The following DMD variants were observed in gnomAD, a reference collection of about 807,000 sequenced individuals.
The protein encoded by DMD is dystrophin.
A neutral mutation model predicts 330.1 loss-of-function variants in DMD; 63 were observed. The observed-to-expected ratio is 0.19, with a 90% CI of 0.16 to 0.24. The LOEUF (loss-of-function observed/expected upper bound fraction) is 0.24, where lower values mean the gene tolerates loss of function less well. DMD is among the 10% of genes least tolerant of loss of function. DMD has a pLI of 1.00. For missense variants in DMD, 3,344 were observed against 2,684.1 expected (o/e 1.25, Z -5.43); for synonymous variants, 1,223 against 959.8 (o/e 1.27, Z -5.07).
intron 9 of DMD, among the ~76,000 whole-genome samples, chrX:32,687,665 A>G (rs956266098): frequency 8.9e-6 from 1 of 111,808 alleles, no homozygotes; most frequent in African/African-American, 3.3e-5. Context: ...AGCCTTCAAA[A>G]TGACTTCAGC....
At chrX:31,306,259 A>G (rs1210963546) in intron 62 of DMD, among the ~76,000 whole-genome samples, 1 of 111,676 alleles carries the variant, frequency 9.0e-6, no homozygotes, top group East Asian at 2.8e-4. Flanking sequence ...AGTTGTTTAT[A>G]TATCTTCTGG....
At chrX:31,709,556 C>T (rs1319006004) in intron 52 of DMD, among the ~76,000 whole-genome samples, 1 of 55,012 alleles carries the variant, frequency 1.8e-5, no homozygotes, top group African/African-American at 7.7e-5. Context: ...TATTGTACAG[C>T]TCTCTCTCTC....
Position 32,472,212 on chromosome X carries a change from A to T in DMD, c.2901T>A (p.Leu967=). The T allele has an allele frequency of 8.3e-7, 1 of 1,210,799 alleles. No homozygotes were observed. The highest frequency in any genetic ancestry group is 1.1e-6 in the Non-Finnish European group (1 of 894,782). The stretch of plus-strand genomic sequence containing the variant: ...CCATGATTTCATAGTCGGTGACACT[A>T]AGTTGAGGTATGGAGAGTTTGGTTT... ...QSETKLSIPQ[L]SVTDYEIMEQ... The change falls in exon 22 of 79, where the codon CTT becomes CTA. Residue 967 remains leucine, a synonymous_variant. Transcript: ENST00000357033.
intron 52 of DMD, among the ~76,000 whole-genome samples, chrX:31,711,289 GT>G (rs994124229): frequency 1.8e-5 from 2 of 110,780 alleles, no homozygotes; most frequent in Non-Finnish European, 3.8e-5. Context: ...CTAAAAGATG[GT>G]TTTCTCTTTT....
At chrX:31,719,047 G>A (rs978267050) in intron 52 of DMD, among the ~76,000 whole-genome samples, 26 of 111,799 alleles carry the variant, frequency 2.3e-4, no homozygotes, top group African/African-American at 8.5e-4. Flanking sequence ...AAGAAATAAA[G>A]GCCAAAGAAT....
At chrX:31,909,844 G>A (rs750243954) in intron 47 of DMD, among the ~76,000 whole-genome samples, 1 of 112,580 alleles carries the variant, frequency 8.9e-6, no homozygotes, top group Non-Finnish European at 1.9e-5. Context: ...ATGTGAAATA[G>A]TGTGAATAAT....
rs1034655445 is a variant in DMD, at chrX:32,591,434, CTTCT to C, written c.1602+4319_1602+4322del. On this transcript the variant is annotated intron_variant, in intron 13 of 78. Transcript: ENST00000357033. Reference sequence around the variant, plus strand: ...AGCTATGGGCTTAACCATGTTTCTCCTTCTTTCTTTATTAGAAACAGTTATCTCC... The same window carrying C: ...AGCTATGGGCTTAACCATGTTTCTCCTTCTTTATTAGAAACAGTTATCTCC... Among the ~76,000 whole-genome samples, 27 of 112,139 alleles carry C rather than the reference CTTCT, an allele frequency of 2.4e-4. No individual in the cohort carries two copies. The South Asian group carries it at 3.0e-3, about 12-fold the overall frequency.
At chrX:31,483,213 A>ATTT (rs1203097775) in intron 57 of DMD, among the ~76,000 whole-genome samples, 1 of 106,847 alleles carries the variant, frequency 9.4e-6, no homozygotes, top group Non-Finnish European at 1.9e-5. Context: ...CGCCCAGCTA[A>ATTT]TTTTTTGTAT....
chrX:31,502,106 C>T (rs1391299857), intron 56 of DMD, among the ~76,000 whole-genome samples: 1 of 111,414 alleles, frequency 9.0e-6, no homozygotes, highest in Non-Finnish European at 1.9e-5. Context: ...TCACCATATA[C>T]AAAAATCAAA....
At chrX:32,697,252 G>C (rs762083363) in intron 9 of DMD, among the ~76,000 whole-genome samples, 2 of 111,668 alleles carry the variant, frequency 1.8e-5, no homozygotes, top group African/African-American at 6.5e-5. Context: ...ACTCCACTGA[G>C]TCTTCCTCAT....
At chrX:32,695,944 T>C (rs774380805) in intron 9 of DMD, among the ~76,000 whole-genome samples, 5 of 111,533 alleles carry the variant, frequency 4.5e-5, no homozygotes, top group African/African-American at 6.5e-5. Context: ...TCATCAGTGG[T>C]AGAAAGTTAG....
chrX:33,276,119 A>G (rs1486166687), intron 1 of DMD, among the ~76,000 whole-genome samples: 1 of 111,431 alleles, frequency 9.0e-6, no homozygotes, highest in African/African-American at 3.3e-5. Context: ...AATTCAAGAG[A>G]TCTTCCTTTT....
At chrX:32,189,900 T>C (rs2096965249) in intron 44 of DMD, among the ~76,000 whole-genome samples, 1 of 111,262 alleles carries the variant, frequency 9.0e-6, no homozygotes, top group Admixed American at 9.6e-5. Context: ...TTTATTATAC[T>C]TTAAGTTCTA....
intron 16 of DMD, among the ~76,000 whole-genome samples, chrX:32,563,705 C>G (rs781281328): frequency 9.0e-6 from 1 of 111,616 alleles, no homozygotes; most frequent in Admixed American, 9.5e-5. Flanking sequence ...AGTAATATTT[C>G]GATGACATGT....
At chrX:32,372,686 C>T (rs906057226) in intron 34 of DMD, among the ~76,000 whole-genome samples, 4 of 111,164 alleles carry the variant, frequency 3.6e-5, no homozygotes, top group Non-Finnish European at 5.7e-5. Flanking sequence ...CTCTTTAATA[C>T]TACTCTGATT....
intron 60 of DMD, among the ~76,000 whole-genome samples, chrX:31,415,589 TCA>T (rs749925756): frequency 8.9e-6 from 1 of 112,017 alleles, no homozygotes; most frequent in African/African-American, 3.2e-5. Context: ...AGTCCTTTTC[TCA>T]CTCATCATCG....
At chrX:31,602,223 A>G (rs2077402018) in intron 55 of DMD, among the ~76,000 whole-genome samples, 2 of 109,869 alleles carry the variant, frequency 1.8e-5, no homozygotes. Context: ...CATCATCTCT[A>G]TCTTTTCTAG....
intron 48 of DMD, among the ~76,000 whole-genome samples, chrX:31,857,831 C>CAT (rs1469476523): frequency 9.1e-6 from 1 of 109,351 alleles, no homozygotes; most frequent in Non-Finnish European, 1.9e-5. Context: ...ATACATATAT[C>CAT]ATATATATGA....
intron 2 of DMD, among the ~76,000 whole-genome samples, chrX:32,961,764 T>G (rs2091906854): frequency 9.0e-6 from 1 of 111,652 alleles, no homozygotes; most frequent in Non-Finnish European, 1.9e-5. Flanking sequence ...CAGGCCTATG[T>G]ACATCTAGGC....
Sources: allele counts gnomAD v4.1 joint callset (sites outside exome capture counted in the v4.1 genomes callset), GRCh38; gene constraint gnomAD v4.1.1; transcripts MANE v1.5; gene names NCBI Gene and HGNC (gene_info 2026-07-23, HGNC 2026-07-21).